Variants in MAML3 observed in about 807,000 individuals in gnomAD.
The protein encoded by MAML3 is mastermind like transcriptional coactivator 3, also known as mastermind-like protein 3.
Under a neutral mutation model 101.9 loss-of-function variants are expected in MAML3, and 27 were observed. That is an observed-to-expected ratio of 0.27 (90% CI 0.20 to 0.37). The LOEUF (loss-of-function observed/expected upper bound fraction) is 0.37, where lower values mean the gene tolerates loss of function less well. Ranked by LOEUF, MAML3 falls within the 10% of genes least tolerant of loss-of-function variation. The pLI is 1.00. For missense variants in MAML3, 1,316 were observed against 1,444.9 expected (o/e 0.91, Z 1.45); for synonymous variants, 501 against 555.9 (o/e 0.90, Z 1.39).
chr4:140,101,119 G>A (rs1728245903), intron 1 of MAML3, among the ~76,000 whole-genome samples: 1 of 152,192 alleles, frequency 6.6e-6, no homozygotes, highest in Non-Finnish European at 1.5e-5. Context: ...CAAGGGACCA[G>A]AGTCGACGCT....
chr4:139,907,646 C>T (rs1732843522), intron 1 of MAML3, among the ~76,000 whole-genome samples: 1 of 152,156 alleles, frequency 6.6e-6, no homozygotes, highest in South Asian at 2.1e-4. Context: ...GAGCTGAGTG[C>T]AGAGGATGCA....
intron 2 of MAML3, among the ~76,000 whole-genome samples, chr4:139,810,035 TAAAG>T (rs886212675): frequency 6.6e-5 from 10 of 151,714 alleles, no homozygotes; most frequent in Admixed American, 1.3e-4. Context: ...GGAAGAGAAA[TAAAG>T]AAAGACATGG....
At chr4:139,773,994 A>T (rs540113406) in intron 2 of MAML3, among the ~76,000 whole-genome samples, 6 of 152,242 alleles carry the variant, frequency 3.9e-5, no homozygotes, top group Admixed American at 6.5e-5. Flanking sequence ...GATCTAAAGC[A>T]CATGGTCAGG....
At chr4:139,931,738 G>A (rs375723030) in intron 1 of MAML3, among the ~76,000 whole-genome samples, 5 of 152,124 alleles carry the variant, frequency 3.3e-5, no homozygotes, top group South Asian at 2.1e-4. Flanking sequence ...AGCCTGGCTC[G>A]GTGGCTCACG....
chr4:139,719,506 G>T lies in MAML3; in HGVS notation c.3234C>A (p.Ser1078Arg). Residue 1078 changes from serine (S) to arginine (R), a missense_variant, in exon 5 of 5, where the codon AGC (serine) becomes AGA (arginine). Ser to Arg is a moderately radical substitution (Grantham distance 110). Coordinates refer to ENST00000509479, the MANE Select transcript of MAML3 (RefSeq NM_018717.5). ...QQIPSGSFAP[S>R]SQSQAYERNA... Reference sequence around the variant, plus strand: ...TCCGCTCATAGGCTTGGCTCTGGCTGCTTGGAGCAAAGCTGCCACTGGGTA... The same window carrying T: ...TCCGCTCATAGGCTTGGCTCTGGCTTCTTGGAGCAAAGCTGCCACTGGGTA... The T allele has an allele frequency of 6.2e-7, 1 of 1,613,982 alleles. No homozygotes were observed. The highest frequency in any genetic ancestry group is 2.2e-5 in the East Asian group (1 of 44,880).
chr4:139,941,068 G>A (rs1168357555), intron 1 of MAML3, among the ~76,000 whole-genome samples: 2 of 152,158 alleles, frequency 1.3e-5, no homozygotes, highest in Non-Finnish European at 2.9e-5. Context: ...ACCCTACAAT[G>A]TAGATTTGGT....
intron 2 of MAML3, among the ~76,000 whole-genome samples, chr4:139,738,551 A>G (rs1007912153): frequency 1.3e-5 from 2 of 152,210 alleles, no homozygotes; most frequent in African/African-American, 4.8e-5. Flanking sequence ...TCTCAAACAA[A>G]CAAAAAAAAG....
At chr4:140,013,369 CT>C (rs1333956214) in intron 1 of MAML3, among the ~76,000 whole-genome samples, 1 of 152,150 alleles carries the variant, frequency 6.6e-6, no homozygotes, top group Admixed American at 6.5e-5. Context: ...ACCTGCAATC[CT>C]AACTGTTCTT....
At chr4:139,974,002 T>C (rs1734274695) in intron 1 of MAML3, among the ~76,000 whole-genome samples, 1 of 152,206 alleles carries the variant, frequency 6.6e-6, no homozygotes. Flanking sequence ...GCTTTTTGCA[T>C]TTAGAACATC....
At chr4:139,737,476 G>T (rs1728991891) in intron 2 of MAML3, among the ~76,000 whole-genome samples, 1 of 152,000 alleles carries the variant, frequency 6.6e-6, no homozygotes, top group African/African-American at 2.4e-5. Context: ...AAGGGGGTGG[G>T]GAGAGGAATG....
At chr4:140,124,120 C>G (rs987759140) in intron 1 of MAML3, among the ~76,000 whole-genome samples, 1 of 152,184 alleles carries the variant, frequency 6.6e-6, no homozygotes, top group Admixed American at 6.5e-5. Context: ...GTCAAAATGC[C>G]TTACCTAACC....
At chr4:139,777,560 T>C (rs1730115516) in intron 2 of MAML3, among the ~76,000 whole-genome samples, 1 of 152,222 alleles carries the variant, frequency 6.6e-6, no homozygotes, top group African/African-American at 2.4e-5. Flanking sequence ...ATGGTTTCTC[T>C]CTGTCGCCCA....
chr4:139,874,033 G>T (rs995790508), intron 2 of MAML3, among the ~76,000 whole-genome samples: 1 of 152,190 alleles, frequency 6.6e-6, no homozygotes, highest in Admixed American at 6.5e-5. Context: ...TTTGGAATAT[G>T]TGTTTACCTG....
At chr4:139,977,621 C>T (rs906929201) in intron 1 of MAML3, among the ~76,000 whole-genome samples, 5 of 152,096 alleles carry the variant, frequency 3.3e-5, no homozygotes, top group Non-Finnish European at 7.4e-5. Context: ...GCCTGTAATC[C>T]CAGCACCTTG....
chr4:140,080,634 A>G (rs950041750), intron 1 of MAML3, among the ~76,000 whole-genome samples: 3 of 152,254 alleles, frequency 2.0e-5, no homozygotes, highest in African/African-American at 7.2e-5. Context: ...CTAAAATTGC[A>G]GTTGGTAAGC....
At chr4:140,125,336 G>A (rs1404319100) in intron 1 of MAML3, among the ~76,000 whole-genome samples, 1 of 152,200 alleles carries the variant, frequency 6.6e-6, no homozygotes, top group Non-Finnish European at 1.5e-5. Context: ...GGGAGGCTGA[G>A]GCAGGAGGAT....
rs762049192 is a variant in MAML3 at position 140,152,982 on chromosome 4, G to A, written c.346C>T (p.Arg116Trp). The A allele has an allele frequency of 8.1e-6, 13 of 1,609,716 alleles. No homozygotes were observed. The highest frequency in any genetic ancestry group is 1.1e-5 in the Non-Finnish European group (13 of 1,178,328). The stretch of plus-strand genomic sequence containing the variant: ...TTCTTGGCCCTCTGCTCCAGGGTCC[G>A]CTGGTAGAGGCTCACGGTGTCCCGG... ...ERRDTVSLYQ[R>W]TLEQRAKKSG... Residue 116 changes from arginine to tryptophan, a missense_variant, in exon 1 of 5, where the codon CGG becomes TGG. Coordinates refer to ENST00000509479, the MANE Select transcript of MAML3 (RefSeq NM_018717.5).
chr4:139,734,025 C>T (rs1280014340), intron 2 of MAML3, among the ~76,000 whole-genome samples: 1 of 152,178 alleles, frequency 6.6e-6, no homozygotes, highest in Admixed American at 6.5e-5. Flanking sequence ...GCCTTCCATA[C>T]GAAACATCTT....
chr4:139,959,448 GCTTCATA>G (rs1733969243), intron 1 of MAML3, among the ~76,000 whole-genome samples: 1 of 152,166 alleles, frequency 6.6e-6, no homozygotes, highest in Non-Finnish European at 1.5e-5. Flanking sequence ...AGACATATCT[GCTTCATA>G]CTGGGTACTG....
Sources: allele counts gnomAD v4.1 joint callset (sites outside exome capture counted in the v4.1 genomes callset), GRCh38; gene constraint gnomAD v4.1.1; transcripts MANE v1.5; gene names NCBI Gene and HGNC (gene_info 2026-07-23, HGNC 2026-07-21).